ERBB4: variants seen among roughly 807,000 people sequenced by gnomAD.
The protein encoded by ERBB4 is erb-b2 receptor tyrosine kinase 4.
Under a neutral mutation model 158.0 loss-of-function variants are expected in ERBB4, and 42 were observed. The ratio of observed to expected loss-of-function variants is 0.27; its 90% CI spans 0.21 to 0.34. ERBB4 has a LOEUF of 0.34. Ranked by LOEUF, ERBB4 falls within the 10% of genes least tolerant of loss-of-function variation. The pLI is 1.00. For missense variants in ERBB4, 1,333 were observed against 1,624.1 expected (o/e 0.82, Z 3.08); for synonymous variants, 583 against 558.7 (o/e 1.04, Z -0.61).
At chr2:212,485,465 G>A (rs928688226) in intron 1 of ERBB4, among the ~76,000 whole-genome samples, 10 of 152,178 alleles carry the variant, frequency 6.6e-5, no homozygotes, top group African/African-American at 2.4e-4. Flanking sequence ...AGGCTGAACA[G>A]CTACGGAATG....
At chr2:211,448,465 G>GACAC (rs1403065217) in intron 20 of ERBB4, among the ~76,000 whole-genome samples, 1 of 95,066 alleles carries the variant, frequency 1.1e-5, no homozygotes, top group Admixed American at 1.0e-4. Flanking sequence ...TACCCAAACA[G>GACAC]ATACACACAC....
At chr2:211,825,130 A>G (rs568761114) in intron 3 of ERBB4, among the ~76,000 whole-genome samples, 3 of 152,086 alleles carry the variant, frequency 2.0e-5, no homozygotes, top group Non-Finnish European at 4.4e-5. Flanking sequence ...AGGACAGTCT[A>G]TTCTTTTATA....
chr2:211,674,172 T>C (rs1378366610), intron 13 of ERBB4, among the ~76,000 whole-genome samples: 12 of 152,172 alleles, frequency 7.9e-5, no homozygotes, highest in African/African-American at 2.7e-4. Flanking sequence ...CAATTTAAAA[T>C]GCCATTTACA....
In ERBB4 at chr2:211,380,740, T is replaced by A. The variant is rs2062560972; in HGVS notation, c.*2875A>T. ...GTGGTGCTATTATAAAGCATTTGGGTCATTTTGGATTATTCCTACATGCAT... is the reference window on the plus strand; with the variant it reads ...GTGGTGCTATTATAAAGCATTTGGGACATTTTGGATTATTCCTACATGCAT... On this transcript the variant is annotated 3_prime_UTR_variant, in exon 28 of 28. Transcript: ENST00000342788. 4.3e-6 allele frequency: 1 copy of A among 231,964 alleles called. No homozygotes were observed. The allele number at this position is 231,964 out of a possible 1,614,324, so 14.4% of individuals were successfully genotyped here. A position where few individuals can be genotyped will look rare whatever the true frequency, so the allele number is the denominator to read the frequency against.
At chr2:212,104,138 G>T (rs1193183110) in intron 2 of ERBB4, among the ~76,000 whole-genome samples, 1 of 151,892 alleles carries the variant, frequency 6.6e-6, no homozygotes, top group Non-Finnish European at 1.5e-5. Context: ...TGCTTCTCAG[G>T]CATTTTGTTC....
intron 4 of ERBB4, chr2:211,777,169 C>T (rs1245392919): frequency 6.6e-6 from 1 of 152,252 alleles, no homozygotes; most frequent in East Asian, 1.9e-4. Flanking sequence ...TGTGCGTGAG[C>T]ATCTACTGAT....
At chr2:212,066,150 C>T (rs1175249199) in intron 2 of ERBB4, among the ~76,000 whole-genome samples, 4 of 151,788 alleles carry the variant, frequency 2.6e-5, no homozygotes, top group African/African-American at 4.8e-5. Context: ...AAGACTCTTA[C>T]TCTGGGATGT....
chr2:212,535,444 T>C (rs1560580264), intron 1 of ERBB4, among the ~76,000 whole-genome samples: 2 of 152,202 alleles, frequency 1.3e-5, no homozygotes, highest in Non-Finnish European at 2.9e-5. Context: ...GTATCTTAAA[T>C]ATGTACGAAA....
chr2:211,748,567 T>G (rs935516094), intron 5 of ERBB4, among the ~76,000 whole-genome samples: 1 of 152,142 alleles, frequency 6.6e-6, no homozygotes, highest in African/African-American at 2.4e-5. Flanking sequence ...CTCCCTCAGA[T>G]CTATGGTGAG....
chr2:212,191,660 A>ATATAACACGTTATG (rs2082217719), intron 1 of ERBB4, among the ~76,000 whole-genome samples: 7 of 110,976 alleles, frequency 6.3e-5, no homozygotes, highest in Non-Finnish European at 1.3e-4. Flanking sequence ...CATGCGTTAT[A>ATATAACACGTTATG]CATGTCATAT....
chr2:211,987,549 G>A (rs2081971292), intron 2 of ERBB4, among the ~76,000 whole-genome samples: 1 of 151,248 alleles, frequency 6.6e-6, no homozygotes. Flanking sequence ...AAGGGAGGAG[G>A]GTGTAAGAAA....
intron 3 of ERBB4, among the ~76,000 whole-genome samples, chr2:211,836,733 T>G (rs2077351832): frequency 6.6e-6 from 1 of 152,086 alleles, no homozygotes. Context: ...TCAGGTCTGC[T>G]GTGTTAATTA....
At chr2:212,401,804 A>G (rs2091214307) in intron 1 of ERBB4, among the ~76,000 whole-genome samples, 1 of 152,130 alleles carries the variant, frequency 6.6e-6, no homozygotes, top group Admixed American at 6.6e-5. Flanking sequence ...AAAGGCCACA[A>G]ACATAATTAT....
chr2:212,295,789 G>T (rs2086388823), intron 1 of ERBB4, among the ~76,000 whole-genome samples: 1 of 152,026 alleles, frequency 6.6e-6, no homozygotes, highest in African/African-American at 2.4e-5. Context: ...GTAGGCAAAT[G>T]ATACATTTGG....
intron 1 of ERBB4, among the ~76,000 whole-genome samples, chr2:212,409,176 GT>G (rs2106482342): frequency 6.6e-6 from 1 of 152,168 alleles, no homozygotes; most frequent in South Asian, 2.1e-4. Context: ...CAGGGAACAG[GT>G]TATTTATAAA....
chr2:211,679,692 G>GT (rs1357869614), intron 12 of ERBB4, among the ~76,000 whole-genome samples: 1 of 150,814 alleles, frequency 6.6e-6, no homozygotes, highest in Non-Finnish European at 1.5e-5. Flanking sequence ...TTTCTCGTTT[G>GT]TTTTTTTGAG....
chr2:211,549,091 C>G (rs564258864), intron 20 of ERBB4, among the ~76,000 whole-genome samples: 16 of 152,010 alleles, frequency 1.1e-4, no homozygotes, highest in Admixed American at 5.9e-4. Flanking sequence ...ATTAAAATAT[C>G]AATTGACGTT....
chr2:212,085,233 C>T (rs1318186695), intron 2 of ERBB4, among the ~76,000 whole-genome samples: 1 of 151,788 alleles, frequency 6.6e-6, no homozygotes. Flanking sequence ...CTTCCACATT[C>T]TAGCAGTTTA....
Position 211,673,224 on chromosome 2 carries a change from A to C in ERBB4, c.1656T>G (p.Cys552Trp). Reference protein sequence around the residue: ...EFREFENGSICVECDPQCEKM... With the variant: ...EFREFENGSIWVECDPQCEKM... The stretch of plus-strand genomic sequence containing the variant: ...TCTCACACTGGGGGTCACACTCCAC[A>C]CAGATGGAGCCATTCTCAAACTCCC... The change falls in exon 14 of 28, where the codon TGT becomes TGG. Residue 552 changes from cysteine to tryptophan, a missense_variant. Coordinates refer to ENST00000342788, the MANE Select transcript of ERBB4 (RefSeq NM_005235.3). The C allele has an allele frequency of 6.2e-7, 1 of 1,613,838 alleles. No individual in the cohort carries two copies. Among genetic ancestry groups the C allele is most frequent in the Non-Finnish European group, 8.5e-7 (1 of 1,179,776 alleles).
Sources: gnomAD v4.1 joint callset for allele counts (sites outside exome capture counted in the v4.1 genomes callset) on GRCh38, gnomAD v4.1.1 for gene constraint, MANE v1.5 for transcripts, NCBI Gene and HGNC (gene_info 2026-07-23, HGNC 2026-07-21) for gene names.